Variants in ADM observed in about 807,000 individuals in gnomAD.
ADM encodes pro-adrenomedullin.
Under a neutral mutation model 9.0 loss-of-function variants are expected in ADM, and 4 were observed. That is an observed-to-expected ratio of 0.44 (90% CI 0.22 to 1.02). The LOEUF is 1.02. Ranked by LOEUF, ADM falls within the 50% of genes least tolerant of loss-of-function variation. The pLI, the probability that ADM is intolerant of heterozygous loss-of-function variation, is 0.24. For synonymous variants in ADM, 107 were observed against 107.2 expected (o/e 1.00, Z 0.01); for missense variants, 253 against 254.1 (o/e 1.00, Z 0.03).
chr11:10,305,601 C>T, intron 1 of ADM, 79 bp from the exon 2 acceptor site: 1 of 1,317,638 alleles, frequency 7.6e-7, no homozygotes, highest in South Asian at 1.2e-5. Context: ...CGCCGGGGCC[C>T]CTGCCCGCCC....
At chr11:10,305,655 C>T (rs376917874) in intron 1 of ADM, 25 bp from the exon 2 acceptor site, 176 of 1,594,754 alleles carry the variant, frequency 1.1e-4, no homozygotes, top group Non-Finnish European at 1.5e-4. Flanking sequence ...GGTGCTCACG[C>T]TCGACTCTCT....
At chr11:10,305,580 TA>T in intron 1 of ADM, 99 bp from the exon 2 acceptor site, 1 of 1,006,040 alleles carries the variant, frequency 9.9e-7, no homozygotes, top group Non-Finnish European at 1.5e-6. Context: ...AAGCGCGGGC[TA>T]AACCCGCCTC....
rs1964664854 is a variant in ADM, at chr11:10,306,710, C to T, written c.*69C>T. On this transcript the variant is annotated 3_prime_UTR_variant, in exon 4 of 4. Coordinates refer to ENST00000278175, the MANE Select transcript of ADM (RefSeq NM_001124.3). The stretch of plus-strand genomic sequence containing the variant: ...CGCTGGTGCCTCCCGGGACGAAGGA[C>T]TTCCCGAGCGGTGTGGGGACCGGGC... 1 of 1,456,526 alleles carries T rather than the reference C, an allele frequency of 6.9e-7. No homozygotes were observed. Among genetic ancestry groups the T allele is most frequent in the Non-Finnish European group, 9.2e-7 (1 of 1,092,796 alleles). The allele number at this position is 1,456,526 out of a possible 1,614,324, so 90.2% of individuals were successfully genotyped here.
rs1168916415 is a variant in ADM at position 10,306,673 on chromosome 11, G to C, written c.*32G>C. 6.7e-7 allele frequency: 1 copy of C among 1,496,092 alleles called. No individual in the cohort carries two copies. Among genetic ancestry groups the C allele is most frequent in the Non-Finnish European group, 8.9e-7 (1 of 1,123,132 alleles). The allele number at this position is 1,496,092 out of a possible 1,614,324, so 92.7% of individuals were successfully genotyped here. A position where few individuals can be genotyped will look rare whatever the true frequency, so the allele number is the denominator to read the frequency against. On this transcript the variant is annotated 3_prime_UTR_variant, in exon 4 of 4. Coordinates refer to ENST00000278175, the MANE Select transcript of ADM (RefSeq NM_001124.3). Reference sequence around the variant, plus strand: ...GGCGCCCATGGTACAAGGAATAGTCGCGCAAGCATCCCGCTGGTGCCTCCC... The same window carrying C: ...GGCGCCCATGGTACAAGGAATAGTCCCGCAAGCATCCCGCTGGTGCCTCCC...
chr11:10,305,563 C>G (rs1237651878), intron 1 of ADM, 117 bp from the exon 2 acceptor site: 2 of 811,506 alleles, frequency 2.5e-6, no homozygotes, highest in Admixed American at 2.5e-5. Flanking sequence ...AGCGTCTGAG[C>G]CAGGGAAAGC....
chr11:10,305,504 G>T, intron 1 of ADM, 176 bp from the exon 2 acceptor site: 1 of 592,676 alleles, frequency 1.7e-6, no homozygotes, highest in Non-Finnish European at 3.0e-6. Flanking sequence ...CCTGTCACCC[G>T]GCCGGCGCGT....
chr11:10,305,734 G>A lies in ADM; in HGVS notation c.34G>A (p.Gly12Ser). 6.2e-7 allele frequency: 1 copy of A among 1,614,132 alleles called. No individual in the cohort carries two copies. Among genetic ancestry groups the A allele is most frequent in the Non-Finnish European group, 8.5e-7 (1 of 1,180,010 alleles). Reference protein sequence around the residue: ...KLVSVALMYLGSLAFLGADTA... With the variant: ...KLVSVALMYLSSLAFLGADTA... ...GGTTTCCGTCGCCCTGATGTACCTGGGTTCGCTCGCCTTCCTAGGCGCTGA... is the reference window on the plus strand; with the variant it reads ...GGTTTCCGTCGCCCTGATGTACCTGAGTTCGCTCGCCTTCCTAGGCGCTGA... The change falls in exon 2 of 4, where the codon GGT becomes AGT. Residue 12 changes from glycine (G) to serine (S), a missense_variant. Physicochemically the swap from Gly to Ser is moderately conservative, Grantham distance 56. Coordinates refer to ENST00000278175, the MANE Select transcript of ADM (RefSeq NM_001124.3).
At chr11:10,306,147 G>C in intron 3 of ADM, 49 bp downstream of exon 3, 1 of 1,600,092 alleles carries the variant, frequency 6.2e-7, no homozygotes, top group Non-Finnish European at 8.5e-7. Context: ...GAAGGTGTGC[G>C]GGAGGAGTTC....
rs1964650905 is a variant in ADM, at chr11:10,305,990, G to A, written c.140G>A (p.Arg47Gln). 1.2e-6 allele frequency: 2 copies of A among 1,613,996 alleles called. No individual in the cohort carries two copies. Among genetic ancestry groups the A allele is most frequent in the African/African-American group, 1.3e-5 (1 of 75,016 alleles). ...CTGAGTCGTGGGAAGAGGGAACTGC[G>A]GATGTCCAGCAGCTACCCCACCGGG... ...WALSRGKREL[R>Q]MSSSYPTGLA... Residue 47 changes from arginine (R) to glutamine (Q), a missense_variant, in exon 3 of 4, where the codon CGG becomes CAG. Transcript: ENST00000278175.
chr11:10,305,797 A>C lies in ADM; in HGVS notation c.97A>C (p.Lys33Gln). 6.2e-7 allele frequency: 1 copy of C among 1,614,098 alleles called. No homozygotes were observed. Among genetic ancestry groups the C allele is most frequent in the Non-Finnish European group, 8.5e-7 (1 of 1,180,010 alleles). The change falls in exon 2 of 4, where the codon AAG (lysine) becomes CAG (glutamine). Residue 33 changes from lysine to glutamine, a missense_variant and splice_region_variant. Coordinates refer to ENST00000278175, the MANE Select transcript of ADM (RefSeq NM_001124.3). ...GGATGTCGCGTCGGAGTTTCGAAAGAAGTGAGTCCGGGCAGCGCCTTCCCC... is the reference window on the plus strand; with the variant it reads ...GGATGTCGCGTCGGAGTTTCGAAAGCAGTGAGTCCGGGCAGCGCCTTCCCC... ...RLDVASEFRK[K>Q]WNKWALSRGK...
At position 10,306,826 on chromosome 11, in the gene ADM, C is replaced by T. The variant is rs547683457; in HGVS notation, c.*185C>T. The T allele has an allele frequency of 1.8e-4, 96 of 546,000 alleles. No homozygotes were observed. The African/African-American group carries it at 1.8e-3, about 10-fold the overall frequency. The allele number at this position is 546,000 out of a possible 1,614,324, so 33.8% of individuals were successfully genotyped here. ...AGGGCCCCTCCTTCTGGGGGCTTCG[C>T]TTCCTTAGCCTTGCTCAGGTGCAAG... On this transcript the variant is annotated 3_prime_UTR_variant, in exon 4 of 4. Coordinates refer to ENST00000278175, the MANE Select transcript of ADM (RefSeq NM_001124.3).
intron 3 of ADM, 89 bp downstream of exon 3, chr11:10,306,187 C>A (rs1964654061): frequency 1.3e-6 from 2 of 1,551,598 alleles, no homozygotes; most frequent in Non-Finnish European, 1.7e-6. Context: ...CCCGGGGGAT[C>A]GTCGGGGCTG....
In ADM at chr11:10,306,072, G is replaced by A. The variant is rs1964652499; in HGVS notation, c.222G>A (p.Lys74=). Residue 74 remains lysine (K), a synonymous_variant, in exon 3 of 4, where the codon AAG becomes AAA. Transcript: ENST00000278175. ...AQTLIRPQDM[K]GASRSPEDSS... ...CCCTTATTCGGCCCCAGGACATGAA[G>A]GGTGCCTCTCGAAGCCCCGAAGACA... is the stretch of plus-strand genomic sequence containing the variant. 2 of 1,613,876 alleles carry A rather than the reference G, an allele frequency of 1.2e-6. No homozygotes were observed. The highest frequency in any genetic ancestry group is 1.7e-5 in the Admixed American group (1 of 60,008).
At chr11:10,305,459 G>A in intron 1 of ADM, 1 of 552,698 alleles carries the variant, frequency 1.8e-6, no homozygotes, top group Admixed American at 3.1e-5. Flanking sequence ...GACCCTCTGG[G>A]AGCCTGGCGG....
intron 1 of ADM, 49 bp downstream of exon 1, chr11:10,305,278 C>T (rs1271506503): frequency 1.1e-5 from 2 of 182,056 alleles, no homozygotes; most frequent in Admixed American, 1.1e-4. Flanking sequence ...GGGGGCAGTG[C>T]TTGCCAAGGC....
chr11:10,306,311 T>TGCGGGGG, intron 3 of ADM, 21 bp from the exon 4 acceptor site: 4 of 1,543,780 alleles, frequency 2.6e-6, no homozygotes, highest in Non-Finnish European at 3.6e-6. Context: ...TTGCCTTTCT[T>TGCGGGGG]CCCCCTCCCC....
At chr11:10,306,311 T>TGGGCGG in intron 3 of ADM, 21 bp from the exon 4 acceptor site, 8 of 1,543,746 alleles carry the variant, frequency 5.2e-6, no homozygotes, top group Non-Finnish European at 7.1e-6. Context: ...TTGCCTTTCT[T>TGGGCGG]CCCCCTCCCC....
At position 10,307,200 on chromosome 11, in the gene ADM, T is replaced by TC. The variant is rs34354539; in HGVS notation, c.*563dup. The TC allele has an allele frequency of 0.48, 73,784 of 152,464 alleles. 18,345 individuals carry two copies. The highest frequency in any genetic ancestry group is 0.54 in the Non-Finnish European group (37,022 of 67,980). 9.4% of individuals were successfully genotyped at this position (152,464 alleles called of 1,614,324 possible). A position where few individuals can be genotyped will look rare whatever the true frequency, so the allele number is the denominator to read the frequency against. ...CATTTTAAAAGCAATTATATTGTCCTCCCCTATTTTAAGACGTGAATGTCT... is the reference window on the plus strand; with the variant it reads ...CATTTTAAAAGCAATTATATTGTCCTCCCCCTATTTTAAGACGTGAATGTCT... On this transcript the variant is annotated 3_prime_UTR_variant, in exon 4 of 4. Coordinates refer to ENST00000278175, the MANE Select transcript of ADM (RefSeq NM_001124.3). The surrounding 1 kb of genome is among the most constrained non-coding windows in gnomAD (Gnocchi z 4.5).
In ADM at chr11:10,306,066, C is replaced by T. The variant is rs768575137; in HGVS notation, c.216C>T (p.Asp72=). The T allele has an allele frequency of 2.5e-6, 4 of 1,614,012 alleles. No homozygotes were observed. The Admixed American group carries it at 6.7e-5, about 27-fold the overall frequency. The part of the protein sequence containing the change: ...GPAQTLIRPQ[D]MKGASRSPED... The stretch of plus-strand genomic sequence containing the variant: ...CCCAGACCCTTATTCGGCCCCAGGA[C>T]ATGAAGGGTGCCTCTCGAAGCCCCG... The change falls in exon 3 of 4, where the codon GAC becomes GAT. Residue 72 remains aspartate (D), a synonymous_variant. Coordinates refer to ENST00000278175, the MANE Select transcript of ADM (RefSeq NM_001124.3).
Sources: allele counts gnomAD v4.1 joint callset, GRCh38; gene constraint gnomAD v4.1.1; non-coding constraint Gnocchi (gnomAD v3.1); transcripts MANE v1.5; gene names NCBI Gene and HGNC (gene_info 2026-07-23, HGNC 2026-07-21).